Variants in RAP1GAP2 observed in about 807,000 individuals in gnomAD.
RAP1GAP2 encodes the protein RAP1 GTPase activating protein 2.
A neutral mutation model predicts 95.0 loss-of-function variants in RAP1GAP2; 27 were observed. That is an observed-to-expected ratio of 0.28 (90% CI 0.21 to 0.39). The LOEUF is 0.39. Among genes scored for constraint, RAP1GAP2 ranks in the 10% least tolerant of loss-of-function variants. The pLI, the probability that RAP1GAP2 is intolerant of heterozygous loss-of-function variation, is 1.00. For synonymous variants in RAP1GAP2, 373 were observed against 380.9 expected (o/e 0.98, Z 0.24); for missense variants, 771 against 970.0 (o/e 0.79, Z 2.72).
chr17:2,762,681 C>G (rs552074332), intron 1 of RAP1GAP2, among the ~76,000 whole-genome samples: 1 of 151,598 alleles, frequency 6.6e-6, no homozygotes, highest in African/African-American at 2.4e-5. Flanking sequence ...GCTGGAATTA[C>G]GTGAGCCACT....
At chr17:2,826,117 A>G (rs1189881042) in intron 2 of RAP1GAP2, among the ~76,000 whole-genome samples, 1 of 144,058 alleles carries the variant, frequency 6.9e-6, no homozygotes, top group Non-Finnish European at 1.5e-5. Context: ...AGTAGCTGGG[A>G]TTACAGGCAC....
At chr17:2,972,700 T>C (rs1382260618) in intron 8 of RAP1GAP2, among the ~76,000 whole-genome samples, 3 of 149,258 alleles carry the variant, frequency 2.0e-5, no homozygotes, top group South Asian at 2.1e-4. Flanking sequence ...TAGAAATCAA[T>C]GTTGTAAATA....
In RAP1GAP2 at chr17:2,800,436, C is replaced by T. The variant is rs568400503; in HGVS notation, c.45-79C>T. 1.2e-4 allele frequency: 124 copies of T among 1,053,320 alleles called. No individual in the cohort carries two copies. In the South Asian group the frequency reaches 1.3e-3, roughly 11 times the overall value. 65.2% of individuals were successfully genotyped at this position (1,053,320 alleles called of 1,614,324 possible). A position where few individuals can be genotyped will look rare whatever the true frequency, so the allele number is the denominator to read the frequency against. ...TGCTGTCTGGTGGTTTGGGCTGTCC[C>T]GGGGACTCCTCCATACAGATGCTAT... On this transcript the variant is annotated intron_variant, in intron 1 of 24. Transcript: ENST00000254695.
chr17:2,779,372 G>T (rs2068583159), intron 1 of RAP1GAP2, among the ~76,000 whole-genome samples: 1 of 152,174 alleles, frequency 6.6e-6, no homozygotes, highest in Admixed American at 6.5e-5. Context: ...ACATGCCCAG[G>T]GTGGCTCAGA....
intron 3 of RAP1GAP2, among the ~76,000 whole-genome samples, chr17:2,949,734 G>A (rs73296624): frequency 0.049 from 7,414 of 152,276 alleles, 589 homozygotes; most frequent in African/African-American, 0.17. Context: ...ATCTCAGGGT[G>A]TGTGGATGAG....
chr17:2,757,835 C>T (rs899202411), intron 1 of RAP1GAP2, among the ~76,000 whole-genome samples: 1 of 151,738 alleles, frequency 6.6e-6, no homozygotes, highest in African/African-American at 2.4e-5. Context: ...GCACTGTCTG[C>T]TGGGGTTGTT....
chr17:2,770,371 G>A, exon 2 of RAP1GAP2: 1 of 398,720 alleles, frequency 2.5e-6, no homozygotes, highest in Non-Finnish European at 4.4e-6. Flanking sequence ...AGAGGACGCT[G>A]ACAGCCTTCC....
rs559429335 is a variant in RAP1GAP2, at chr17:3,027,985, G to A, written c.2107+915G>A. Among the ~76,000 whole-genome samples, 26 of 152,212 alleles carry A rather than the reference G, an allele frequency of 1.7e-4. No individual in the cohort carries two copies. In the South Asian group the frequency reaches 5.4e-3, roughly 32 times the overall value. ...GGCCGTTCAGGTAGACCTGTGCGGT[G>A]GGCACTGCTGGGCGGGTGCTCCGGG... is the stretch of plus-strand genomic sequence containing the variant. On this transcript the variant is annotated intron_variant, in intron 22 of 24. Coordinates refer to ENST00000254695, the MANE Select transcript of RAP1GAP2 (RefSeq NM_015085.5). The surrounding 1 kb of genome is among the most constrained non-coding windows in gnomAD (Gnocchi z 5.2).
intron 23 of RAP1GAP2, among the ~76,000 whole-genome samples, chr17:3,031,829 T>A (rs1201845720): frequency 7.0e-6 from 1 of 143,036 alleles, no homozygotes; most frequent in Non-Finnish European, 1.5e-5. Context: ...CCCAGTCCCT[T>A]CCTGAGCTCT....
chr17:2,805,227 G>A (rs2069463559), intron 2 of RAP1GAP2, among the ~76,000 whole-genome samples: 1 of 152,194 alleles, frequency 6.6e-6, no homozygotes, highest in Admixed American at 6.5e-5. Context: ...CTCTTCTCCA[G>A]TCCGCTCTGG....
intron 1 of RAP1GAP2, among the ~76,000 whole-genome samples, chr17:2,759,312 G>C (rs1321913448): frequency 1.3e-5 from 2 of 152,080 alleles, no homozygotes; most frequent in Non-Finnish European, 2.9e-5. Flanking sequence ...ACAGAATCTT[G>C]CTCTGTCACC....
At chr17:2,868,028 G>T (rs1261977664) in intron 2 of RAP1GAP2, among the ~76,000 whole-genome samples, 1 of 152,188 alleles carries the variant, frequency 6.6e-6, no homozygotes, top group Non-Finnish European at 1.5e-5. Context: ...GACCGCGCTG[G>T]ACCTGGTCTG....
intron 14 of RAP1GAP2, among the ~76,000 whole-genome samples, chr17:2,998,779 A>G (rs1052058775): frequency 1.3e-5 from 2 of 151,838 alleles, no homozygotes; most frequent in African/African-American, 4.8e-5. Flanking sequence ...CTGTGAGTGT[A>G]GTATTTGGAA....
chr17:2,936,810 C>T (rs1447273198), intron 3 of RAP1GAP2, among the ~76,000 whole-genome samples: 2 of 152,194 alleles, frequency 1.3e-5, no homozygotes, highest in Non-Finnish European at 2.9e-5. Context: ...AGAGCCATTG[C>T]CCACTCCTCT....
At chr17:2,887,799 C>A (rs562251898) in intron 2 of RAP1GAP2, among the ~76,000 whole-genome samples, 2 of 151,872 alleles carry the variant, frequency 1.3e-5, no homozygotes, top group Non-Finnish European at 2.9e-5. Flanking sequence ...CTCAGCCTCC[C>A]GAGTACCTGG....
Position 3,029,023 on chromosome 17 carries a change from C to T in RAP1GAP2, c.2108-1899C>T, listed in dbSNP as rs566811500. Among the ~76,000 whole-genome samples, 1 of 152,298 alleles carries T rather than the reference C, an allele frequency of 6.6e-6. No individual in the cohort carries two copies. Among genetic ancestry groups the T allele is most frequent in the African/African-American group, 2.4e-5 (1 of 41,556 alleles). On this transcript the variant is annotated intron_variant, in intron 22 of 24. Coordinates refer to ENST00000254695, the MANE Select transcript of RAP1GAP2 (RefSeq NM_015085.5). This position sits in a 1 kb window ranked among gnomAD's most constrained non-coding sequence, Gnocchi z 4.4. ...CCATGTTGGCCAGGCTGGTCTCGAA[C>T]TCCTGACCTCGTGATCCACCCACCT...
At chr17:2,770,506 G>A in intron 2 of RAP1GAP2, 1 of 398,428 alleles carries the variant, frequency 2.5e-6, no homozygotes, top group Non-Finnish European at 4.4e-6. Flanking sequence ...CCTCTCAGCT[G>A]GTACTTAGGA....
intron 2 of RAP1GAP2, among the ~76,000 whole-genome samples, chr17:2,895,030 C>T (rs1368962081): frequency 1.3e-5 from 2 of 152,230 alleles, no homozygotes; most frequent in Admixed American, 6.5e-5. Flanking sequence ...AGCGTCCGCA[C>T]AGCGCCGGCA....
At chr17:2,841,661 G>A (rs1597414677) in intron 2 of RAP1GAP2, among the ~76,000 whole-genome samples, 1 of 152,192 alleles carries the variant, frequency 6.6e-6, no homozygotes, top group Non-Finnish European at 1.5e-5. Flanking sequence ...AGATGTCAGA[G>A]AAATGCTGAA....
Sources: gnomAD v4.1 joint callset for allele counts (sites outside exome capture counted in the v4.1 genomes callset) on GRCh38, gnomAD v4.1.1 for gene constraint, Gnocchi (gnomAD v3.1) non-coding constraint, MANE v1.5 for transcripts, NCBI Gene and HGNC (gene_info 2026-07-23, HGNC 2026-07-21) for gene names.